MEMO1: variants seen among roughly 807,000 people sequenced by gnomAD.
MEMO1 encodes mediator of cell motility 1.
In MEMO1, 6 loss-of-function variants were observed where a neutral mutation model predicts 45.2. The observed-to-expected ratio is 0.13, with a 90% CI of 0.07 to 0.26. MEMO1 has a LOEUF of 0.26. MEMO1 is among the 10% of genes least tolerant of loss of function. The pLI, the probability that MEMO1 is intolerant of heterozygous loss-of-function variation, is 1.00. For missense variants in MEMO1, 184 were observed against 370.5 expected (o/e 0.50, Z 4.13); for synonymous variants, 78 against 124.3 (o/e 0.63, Z 2.48).
intron 4 of MEMO1, among the ~76,000 whole-genome samples, chr2:31,923,095 T>C (rs890744771): frequency 2.6e-5 from 4 of 152,166 alleles, no homozygotes; most frequent in Non-Finnish European, 5.9e-5. Flanking sequence ...CTACCAACAA[T>C]GTATAAACAT....
chr2:31,974,374 T>C, intron 2 of MEMO1, among the ~76,000 whole-genome samples: 1 of 152,338 alleles, frequency 6.6e-6, no homozygotes, highest in Middle Eastern at 3.4e-3. Flanking sequence ...TACTTATCCC[T>C]GACAAGATGG....
At chr2:31,956,715 T>C (rs971730912) in intron 2 of MEMO1, among the ~76,000 whole-genome samples, 20 of 152,312 alleles carry the variant, frequency 1.3e-4, no homozygotes, top group African/African-American at 4.8e-4. Flanking sequence ...CTATGGAACA[T>C]CTTTTAATTG....
intron 2 of MEMO1, among the ~76,000 whole-genome samples, chr2:31,990,486 CTG>C (rs769423717): frequency 8.0e-5 from 12 of 150,916 alleles, no homozygotes; most frequent in Non-Finnish European, 1.6e-4. Flanking sequence ...AGGTCTGGCT[CTG>C]TCACCCAGGC....
intron 8 of MEMO1, among the ~76,000 whole-genome samples, chr2:31,882,069 G>A (rs1372565624): frequency 3.3e-5 from 5 of 152,142 alleles, no homozygotes; most frequent in South Asian, 2.1e-4. Context: ...GCTTGAGCCC[G>A]GGAAGTAGAG....
intron 2 of MEMO1, among the ~76,000 whole-genome samples, chr2:31,964,054 G>A (rs1668324230): frequency 6.6e-6 from 1 of 152,044 alleles, no homozygotes; most frequent in Non-Finnish European, 1.5e-5. Flanking sequence ...AAGTATATAT[G>A]GAAAAATTCA....
chr2:32,008,452 C>A (rs892822976), intron 2 of MEMO1, among the ~76,000 whole-genome samples: 1 of 152,140 alleles, frequency 6.6e-6, no homozygotes, highest in Non-Finnish European at 1.5e-5. Flanking sequence ...GGCGTGGTGG[C>A]GCGCGCCTGT....
chr2:31,893,657 G>A (rs769571511), intron 6 of MEMO1, among the ~76,000 whole-genome samples: 8 of 152,046 alleles, frequency 5.3e-5, no homozygotes, highest in African/African-American at 1.9e-4. Context: ...GTAAGTTCCC[G>A]AATTGTAAAT....
chr2:31,961,236 T>G (rs111316057), intron 2 of MEMO1, among the ~76,000 whole-genome samples: 2 of 152,036 alleles, frequency 1.3e-5, no homozygotes, highest in Non-Finnish European at 2.9e-5. Flanking sequence ...CAAGTGCCTA[T>G]AATCTCAGCT....
chr2:31,975,247 GAATT>G, intron 2 of MEMO1, among the ~76,000 whole-genome samples: 1 of 152,236 alleles, frequency 6.6e-6, no homozygotes, highest in East Asian at 1.9e-4. Flanking sequence ...TAATGTAAAA[GAATT>G]ATTTAAAAAG....
At chr2:31,907,300 AT>A (rs1679895395) in intron 6 of MEMO1, among the ~76,000 whole-genome samples, 1 of 152,144 alleles carries the variant, frequency 6.6e-6, no homozygotes, top group Non-Finnish European at 1.5e-5. Context: ...ATTTATATTC[AT>A]TTCTTATCTC....
chr2:31,895,590 A>G (rs1052513430), intron 6 of MEMO1, among the ~76,000 whole-genome samples: 1 of 152,184 alleles, frequency 6.6e-6, no homozygotes, highest in African/African-American at 2.4e-5. Context: ...GAACAGAGAA[A>G]AAGAACAGAG....
intron 6 of MEMO1, among the ~76,000 whole-genome samples, chr2:31,893,581 C>A (rs1677270877): frequency 1.3e-5 from 2 of 152,034 alleles, no homozygotes; most frequent in East Asian, 3.8e-4. Flanking sequence ...GTATAAAGAA[C>A]AAGGAGAAAC....
At chr2:31,934,539 G>C (rs1039741820) in intron 3 of MEMO1, among the ~76,000 whole-genome samples, 1 of 150,992 alleles carries the variant, frequency 6.6e-6, no homozygotes, top group Non-Finnish European at 1.5e-5. Context: ...GAAATAATAA[G>C]AGTACAAAGG....
rs544821594 is a variant in MEMO1, at chr2:31,968,609, G to T, written c.62-25226C>A. Among the ~76,000 whole-genome samples the T allele has an allele frequency of 5.3e-5, 8 of 152,270 alleles. No individual in the cohort carries two copies. In the South Asian group the frequency reaches 1.0e-3, roughly 20 times the overall value. On this transcript the variant is annotated intron_variant, in intron 2 of 9. Coordinates refer to ENST00000404530, the MANE Select transcript of MEMO1 (RefSeq NM_001301833.4). Reference sequence around the variant, plus strand: ...AAGAAGTGTCAGATTAATTACAAAGGAGGTCTCCTTTTCTTTCAATTGTTT... The same window carrying T: ...AAGAAGTGTCAGATTAATTACAAAGTAGGTCTCCTTTTCTTTCAATTGTTT...
intron 2 of MEMO1, among the ~76,000 whole-genome samples, chr2:31,969,586 G>GTGTGTGTGT (rs1669090004): frequency 2.5e-5 from 3 of 119,228 alleles, no homozygotes; most frequent in African/African-American, 6.6e-5. Flanking sequence ...TGTGTGTGTG[G>GTGTGTGTGT]GTGTGTGTGT....
intron 8 of MEMO1, among the ~76,000 whole-genome samples, chr2:31,880,977 T>C (rs1463201579): frequency 2.0e-5 from 3 of 151,898 alleles, no homozygotes; most frequent in African/African-American, 7.3e-5. Context: ...TGAACTGTGA[T>C]TGTGCCACTG....
At chr2:31,984,581 G>C (rs542735452) in intron 2 of MEMO1, among the ~76,000 whole-genome samples, 1 of 152,138 alleles carries the variant, frequency 6.6e-6, no homozygotes, top group African/African-American at 2.4e-5. Context: ...AGGCCAAGGC[G>C]GGCGATAACG....
intron 4 of MEMO1, among the ~76,000 whole-genome samples, chr2:31,925,514 T>C (rs1216034153): frequency 7.0e-6 from 1 of 142,580 alleles, no homozygotes; most frequent in Non-Finnish European, 1.5e-5. Context: ...TTCCCGGAGA[T>C]ACTTTCCCCA....
At chr2:31,991,309 A>G (rs1671913875) in intron 2 of MEMO1, among the ~76,000 whole-genome samples, 1 of 152,146 alleles carries the variant, frequency 6.6e-6, no homozygotes, top group South Asian at 2.1e-4. Flanking sequence ...GCGGTGGCTC[A>G]CCCCTGTAAT....
Sources: allele counts gnomAD v4.1 joint callset (sites outside exome capture counted in the v4.1 genomes callset), GRCh38; gene constraint gnomAD v4.1.1; transcripts MANE v1.5; gene names NCBI Gene and HGNC (gene_info 2026-07-23, HGNC 2026-07-21).